Variants in MITF observed in about 807,000 individuals in gnomAD.
MITF encodes microphthalmia-associated transcription factor.
A neutral mutation model predicts 60.5 loss-of-function variants in MITF; 17 were observed. The observed-to-expected ratio is 0.28, with a 90% CI of 0.19 to 0.42. MITF has a LOEUF of 0.42. Among genes scored for constraint, MITF ranks in the 10% least tolerant of loss-of-function variants. The probability of loss-of-function intolerance (pLI) is 1.00; values close to 1 mark genes in which losing one functional copy is unlikely to be tolerated. For synonymous variants in MITF, 260 were observed against 248.5 expected (o/e 1.05, Z -0.43); for missense variants, 622 against 683.5 (o/e 0.91, Z 1.00).
intron 1 of MITF, among the ~76,000 whole-genome samples, chr3:69,851,016 T>C (rs1668637067): frequency 2.0e-5 from 3 of 152,158 alleles, no homozygotes; most frequent in African/African-American, 7.2e-5. Flanking sequence ...GCATCATTGC[T>C]GACTTACACA....
At chr3:69,863,648 G>A (rs1359158937) in intron 1 of MITF, among the ~76,000 whole-genome samples, 1 of 152,192 alleles carries the variant, frequency 6.6e-6, no homozygotes, top group Non-Finnish European at 1.5e-5. Flanking sequence ...AGATGTACCC[G>A]AGTGCCTTGT....
chr3:69,846,406 G>A (rs1386422980), intron 1 of MITF, among the ~76,000 whole-genome samples: 8 of 152,174 alleles, frequency 5.3e-5, no homozygotes, highest in Non-Finnish European at 7.4e-5. Context: ...TGTAGAAGAA[G>A]GACCATGCCT....
At chr3:69,918,963 C>T (rs1575961168) in intron 2 of MITF, among the ~76,000 whole-genome samples, 1 of 152,076 alleles carries the variant, frequency 6.6e-6, no homozygotes, top group Non-Finnish European at 1.5e-5. Context: ...ATTATTTAGC[C>T]TTTTGTTATG....
intron 1 of MITF, among the ~76,000 whole-genome samples, chr3:69,843,814 T>G (rs1259949589): frequency 6.6e-6 from 1 of 152,134 alleles, no homozygotes; most frequent in African/African-American, 2.4e-5. Context: ...TACATAGGTA[T>G]ACACATGCCA....
chr3:69,867,515 A>G (rs1221098063), intron 1 of MITF, among the ~76,000 whole-genome samples: 1 of 152,116 alleles, frequency 6.6e-6, no homozygotes, highest in Non-Finnish European at 1.5e-5. Flanking sequence ...ATGTCGTCAT[A>G]ACAGCTTAAT....
chr3:69,866,218 AC>A, intron 1 of MITF: 2 of 1,603,500 alleles, frequency 1.2e-6, no homozygotes, highest in Non-Finnish European at 1.7e-6. Context: ...CCCTAGTGAC[AC>A]AGCCAGTGCC....
intron 1 of MITF, among the ~76,000 whole-genome samples, chr3:69,840,817 G>C (rs1013483501): frequency 1.3e-5 from 2 of 150,054 alleles, no homozygotes; most frequent in Non-Finnish European, 3.0e-5. Context: ...GCAGTGCTGC[G>C]ATCTCAGCTC....
chr3:69,792,875 A>C lies in MITF; in HGVS notation c.104+53174A>C, dbSNP rs1013085698. ...AGATAGCATTGCATATTTTAATTACACATACATATTTTTAAAGCTTTACCC... is the reference window on the plus strand; with the variant it reads ...AGATAGCATTGCATATTTTAATTACCCATACATATTTTTAAAGCTTTACCC... On this transcript the variant is annotated intron_variant, in intron 1 of 9. Coordinates refer to ENST00000352241, the MANE Select transcript of MITF (RefSeq NM_001354604.2). Among the ~76,000 whole-genome samples the C allele has an allele frequency of 3.3e-5, 5 of 152,062 alleles. No individual in the cohort carries two copies. The East Asian group carries it at 9.6e-4, about 29-fold the overall frequency.
At chr3:69,758,117 G>GCACACA (rs111261020) in intron 1 of MITF, among the ~76,000 whole-genome samples, 11 of 120,144 alleles carry the variant, frequency 9.2e-5, no homozygotes, top group South Asian at 3.1e-4. Context: ...TATATCATAT[G>GCACACA]CACACACACA....
intron 1 of MITF, among the ~76,000 whole-genome samples, chr3:69,772,608 T>A (rs2062410491): frequency 6.6e-6 from 1 of 152,180 alleles, no homozygotes; most frequent in Non-Finnish European, 1.5e-5. Context: ...CTTTGACAAG[T>A]CTTTATGTCA....
chr3:69,856,471 A>G (rs1481458013), intron 1 of MITF, among the ~76,000 whole-genome samples: 1 of 152,198 alleles, frequency 6.6e-6, no homozygotes, highest in Non-Finnish European at 1.5e-5. Context: ...GATTGAAGAC[A>G]TATTAGCATC....
intron 2 of MITF, among the ~76,000 whole-genome samples, chr3:69,886,643 A>G (rs1247736899): frequency 6.6e-6 from 1 of 152,150 alleles, no homozygotes; most frequent in Non-Finnish European, 1.5e-5. Context: ...GAGCTTAAGC[A>G]TTTGAATTAG....
At position 69,810,922 on chromosome 3, in the gene MITF, A is replaced by G. The variant is rs145852311; in HGVS notation, c.105-68212A>G. Among the ~76,000 whole-genome samples, 492 of 152,342 alleles carry G rather than the reference A, an allele frequency of 3.2e-3. 16 individuals carry two copies. In the South Asian group the frequency reaches 0.068, roughly 21 times the overall value. On this transcript the variant is annotated intron_variant, in intron 1 of 9. Coordinates refer to ENST00000352241, the MANE Select transcript of MITF (RefSeq NM_001354604.2). ...CTAATTGTCACTACCTAAAATTTGG[A>G]TAAAACTTTGAGATCTAAAATATAT...
At chr3:69,929,922 G>A (rs937589581) in intron 2 of MITF, among the ~76,000 whole-genome samples, 11 of 152,108 alleles carry the variant, frequency 7.2e-5, no homozygotes, top group African/African-American at 2.7e-4. Context: ...ATGAAAGAAA[G>A]GAGTCAAAGA....
intron 7 of MITF, among the ~76,000 whole-genome samples, chr3:69,953,743 G>A (rs571574257): frequency 2.6e-4 from 39 of 151,466 alleles, no homozygotes; most frequent in African/African-American, 9.4e-4. Context: ...CCCCTGTTTT[G>A]TGTGAGGCAC....
intron 1 of MITF, among the ~76,000 whole-genome samples, chr3:69,856,054 T>G (rs1317366278): frequency 6.6e-6 from 1 of 152,168 alleles, no homozygotes; most frequent in Non-Finnish European, 1.5e-5. Context: ...TGGGCTCACT[T>G]ACTGTGATTT....
chr3:69,965,814 GA>G lies in MITF; in HGVS notation c.*576del, dbSNP rs59665466. 9.6e-4 allele frequency: 212 copies of G among 220,326 alleles called. No homozygotes were observed. The highest frequency in any genetic ancestry group is 9.3e-4 in the East Asian group (14 of 15,052). The allele number at this position is 220,326 out of a possible 1,614,324, so 13.6% of individuals were successfully genotyped here. A position where few individuals can be genotyped will look rare whatever the true frequency, so the allele number is the denominator to read the frequency against. On this transcript the variant is annotated 3_prime_UTR_variant, in exon 10 of 10. Transcript: ENST00000352241. ...TTAAAGAAATATGTATTCTGTAAAAGAAAAAAAAAATGCGGCCTTTTCATGA... is the reference window on the plus strand; with the variant it reads ...TTAAAGAAATATGTATTCTGTAAAAGAAAAAAAAATGCGGCCTTTTCATGA...
chr3:69,790,707 G>A (rs879303020), intron 1 of MITF, among the ~76,000 whole-genome samples: 1 of 151,958 alleles, frequency 6.6e-6, no homozygotes, highest in Non-Finnish European at 1.5e-5. Context: ...CCTATATCTC[G>A]CTTCTCTTGG....
intron 1 of MITF, among the ~76,000 whole-genome samples, chr3:69,854,661 A>G (rs2063885229): frequency 6.6e-6 from 1 of 152,212 alleles, no homozygotes; most frequent in Admixed American, 6.5e-5. Context: ...ATTGTACAAT[A>G]GAGTTTTCCA....
Sources: allele counts gnomAD v4.1 joint callset (sites outside exome capture counted in the v4.1 genomes callset), GRCh38; gene constraint gnomAD v4.1.1; transcripts MANE v1.5; gene names NCBI Gene and HGNC (gene_info 2026-07-23, HGNC 2026-07-21).